HS6ST3: variants seen among roughly 807,000 people sequenced by gnomAD.
HS6ST3 encodes the protein heparan-sulfate 6-O-sulfotransferase 3.
HS6ST3 carries 12 observed loss-of-function variants against 36.7 expected under a neutral mutation model. The ratio of observed to expected loss-of-function variants is 0.33; its 90% confidence interval spans 0.21 to 0.53. The LOEUF (loss-of-function observed/expected upper bound fraction) is 0.53. Among genes scored for constraint, HS6ST3 ranks in the 20% least tolerant of loss-of-function variants. The pLI is 0.95. For missense variants in HS6ST3, 584 were observed against 640.9 expected, an observed-to-expected ratio of 0.91 and a Z score of 0.96; for synonymous variants, 240 against 257.5, an observed-to-expected ratio of 0.93 and a Z score of 0.65.
chr13:96,121,621 T>G (rs553935375), intron 1 of HS6ST3, among the ~76,000 whole-genome samples: 70 of 152,316 alleles, frequency 4.6e-4, no homozygotes, highest in African/African-American at 1.6e-3. Context: ...CTCCAGTCCA[T>G]GGTTTCTTCC....
chr13:96,657,595 G>C (rs1289885871), intron 1 of HS6ST3, among the ~76,000 whole-genome samples: 1 of 152,148 alleles, frequency 6.6e-6, no homozygotes, highest in Non-Finnish European at 1.5e-5. Flanking sequence ...AAAGTTTTAG[G>C]TTTCAAATGC....
At chr13:96,347,852 T>TACGC (rs753755360) in intron 1 of HS6ST3, among the ~76,000 whole-genome samples, 13 of 152,192 alleles carry the variant, frequency 8.5e-5, no homozygotes, top group Non-Finnish European at 1.9e-4. Flanking sequence ...CTGGGCTGAG[T>TACGC]ACGCCGCTCT....
chr13:96,690,630 T>C (rs1874931300), intron 1 of HS6ST3, among the ~76,000 whole-genome samples: 1 of 152,088 alleles, frequency 6.6e-6, no homozygotes, highest in Non-Finnish European at 1.5e-5. Context: ...GAGATTACCC[T>C]TCAAGTGCTG....
intron 1 of HS6ST3, among the ~76,000 whole-genome samples, chr13:96,121,377 G>A (rs1416783057): frequency 6.6e-6 from 1 of 152,174 alleles, no homozygotes; most frequent in Non-Finnish European, 1.5e-5. Context: ...TTAGAGATGA[G>A]GGTCACCTGA....
At chr13:96,557,792 C>T (rs993931673) in intron 1 of HS6ST3, among the ~76,000 whole-genome samples, 4 of 152,124 alleles carry the variant, frequency 2.6e-5, no homozygotes, top group Non-Finnish European at 4.4e-5. Context: ...CTAGCTTAGA[C>T]CAGGAACAGA....
intron 1 of HS6ST3, among the ~76,000 whole-genome samples, chr13:96,603,126 C>A (rs1012759389): frequency 2.0e-5 from 3 of 152,064 alleles, no homozygotes; most frequent in Non-Finnish European, 4.4e-5. Flanking sequence ...TGCCCTTCTC[C>A]ACAATGCATT....
chr13:96,487,864 T>C (rs1182611019), intron 1 of HS6ST3, among the ~76,000 whole-genome samples: 1 of 152,168 alleles, frequency 6.6e-6, no homozygotes, highest in Admixed American at 6.6e-5. Context: ...CATACTTGGT[T>C]TTTTGTCTAT....
chr13:96,748,099 G>A (rs1876607290), intron 1 of HS6ST3, among the ~76,000 whole-genome samples: 2 of 151,790 alleles, frequency 1.3e-5, no homozygotes, highest in Admixed American at 6.6e-5. Flanking sequence ...ATTCTTTGTT[G>A]TTACAAAACA....
At chr13:96,618,037 G>T (rs2056480711) in intron 1 of HS6ST3, among the ~76,000 whole-genome samples, 1 of 152,186 alleles carries the variant, frequency 6.6e-6, no homozygotes, top group South Asian at 2.1e-4. Flanking sequence ...ACTTGAGCTT[G>T]CACTCCAATG....
intron 1 of HS6ST3, among the ~76,000 whole-genome samples, chr13:96,110,709 C>T (rs919935442): frequency 1.3e-5 from 2 of 152,148 alleles, no homozygotes; most frequent in Non-Finnish European, 2.9e-5. Flanking sequence ...CAGGCGTGAG[C>T]CACCACGCCT....
intron 1 of HS6ST3, among the ~76,000 whole-genome samples, chr13:96,654,713 A>G (rs1371665176): frequency 1.3e-5 from 2 of 152,140 alleles, no homozygotes; most frequent in South Asian, 2.1e-4. Flanking sequence ...CAGGATGAAT[A>G]TGATGCGATG....
intron 1 of HS6ST3, among the ~76,000 whole-genome samples, chr13:96,505,535 A>G (rs2056022759): frequency 6.6e-6 from 1 of 152,190 alleles, no homozygotes. Context: ...TGTCACCTAG[A>G]GAATTACTGA....
chr13:96,799,121 G>T (rs966804139), intron 1 of HS6ST3, among the ~76,000 whole-genome samples: 1 of 152,088 alleles, frequency 6.6e-6, no homozygotes, highest in Non-Finnish European at 1.5e-5. Context: ...TTCGACTTAT[G>T]AATCTTTTAA....
intron 1 of HS6ST3, among the ~76,000 whole-genome samples, chr13:96,543,029 G>A (rs1241317319): frequency 6.6e-6 from 1 of 152,092 alleles, no homozygotes; most frequent in African/African-American, 2.4e-5. Flanking sequence ...AAACCAACGA[G>A]AGCTCTGAGG....
At chr13:96,176,020 G>A (rs1026239445) in intron 1 of HS6ST3, among the ~76,000 whole-genome samples, 1 of 151,828 alleles carries the variant, frequency 6.6e-6, no homozygotes, top group Non-Finnish European at 1.5e-5. Flanking sequence ...GTAGAGACGG[G>A]GTTTTACCAT....
At chr13:96,695,234 A>C (rs968505198) in intron 1 of HS6ST3, among the ~76,000 whole-genome samples, 1 of 152,132 alleles carries the variant, frequency 6.6e-6, no homozygotes, top group South Asian at 2.1e-4. Context: ...TTTCTTCTCT[A>C]AATCAATCAT....
At chr13:96,698,335 G>T (rs1875189470) in intron 1 of HS6ST3, among the ~76,000 whole-genome samples, 1 of 151,992 alleles carries the variant, frequency 6.6e-6, no homozygotes, top group Non-Finnish European at 1.5e-5. Flanking sequence ...TGAGAATGAT[G>T]GTTTCCAGCT....
At chr13:96,111,446 T>G (rs1256952004) in intron 1 of HS6ST3, among the ~76,000 whole-genome samples, 1 of 152,212 alleles carries the variant, frequency 6.6e-6, no homozygotes, top group Non-Finnish European at 1.5e-5. Flanking sequence ...ATAATTCATT[T>G]TTGCAGTTAA....
intron 1 of HS6ST3, among the ~76,000 whole-genome samples, chr13:96,771,787 A>G (rs1482926838): frequency 6.6e-6 from 1 of 152,164 alleles, no homozygotes; most frequent in Non-Finnish European, 1.5e-5. Flanking sequence ...TCCTGAATAC[A>G]TTAGGCATCA....
Sources: gnomAD v4.1 joint callset for allele counts (sites outside exome capture counted in the v4.1 genomes callset) on GRCh38, gnomAD v4.1.1 for gene constraint, MANE v1.5 for transcripts, NCBI Gene and HGNC (gene_info 2026-07-23, HGNC 2026-07-21) for gene names.